The following CCDC127 variants were observed in gnomAD, a reference collection of about 807,000 sequenced individuals.
CCDC127 encodes the protein coiled-coil domain containing 127.
Under a neutral mutation model 4.1 loss-of-function variants are expected in CCDC127, and 2 were observed. The ratio of observed to expected loss-of-function variants is 0.49; its 90% CI spans 0.20 to 1.53. CCDC127 has a LOEUF of 1.53. Ranked by LOEUF, CCDC127 falls within the 40% of genes most tolerant of loss-of-function variation. The pLI is 0.23. For synonymous variants in CCDC127, 98 were observed against 120.4 expected (o/e 0.81, Z 1.22); for missense variants, 271 against 322.9 (o/e 0.84, Z 1.23).
At position 202,831 on chromosome 5, in the gene CCDC127, CG is replaced by C. The variant is rs1734097423; in HGVS notation, c.*2465del. On this transcript the variant is annotated 3_prime_UTR_variant, in exon 3 of 3. Transcript: ENST00000296824. Reference sequence around the variant, plus strand: ...GTTCACACAGGGACACCCAGCAGACCGGATTGCCGCAGGAATGGAGCCTGCA... The same window carrying C: ...GTTCACACAGGGACACCCAGCAGACCGATTGCCGCAGGAATGGAGCCTGCA... 6.6e-6 allele frequency: 1 copy of C among 152,214 alleles called. No homozygotes were observed. Among genetic ancestry groups the C allele is most frequent in the South Asian group, 2.1e-4 (1 of 4,830 alleles). 9.4% of individuals were successfully genotyped at this position (152,214 alleles called of 1,614,324 possible).
Position 205,146 on chromosome 5 carries a change from G to A in CCDC127, c.*151C>T. The A allele has an allele frequency of 1.5e-6, 1 of 672,608 alleles. No homozygotes were observed. The highest frequency in any genetic ancestry group is 2.7e-5 in the East Asian group (1 of 37,560). The allele number at this position is 672,608 out of a possible 1,614,324, so 41.7% of individuals were successfully genotyped here. On this transcript the variant is annotated 3_prime_UTR_variant, in exon 3 of 3. Transcript: ENST00000296824. ...GTCTCTGAGGCTTCGGTGCACTTCT[G>A]CTCAGACGGTGGCGGGAGTGGAGGT...
At chr5:208,284 G>A (rs1253029237) in intron 2 of CCDC127, among the ~76,000 whole-genome samples, 1 of 152,108 alleles carries the variant, frequency 6.6e-6, no homozygotes, top group East Asian at 1.9e-4. Context: ...AACAACACGG[G>A]GGCAAGTCCT....
In CCDC127 at chr5:204,039, G is replaced by C. The variant is rs29672; in HGVS notation, c.*1258C>G. ...AAACCCACCCTCCTTCTGGACAAGT[G>C]GGGAATTCCCACACAGGCCAGGCAG... On this transcript the variant is annotated 3_prime_UTR_variant, in exon 3 of 3. Transcript: ENST00000296824. The C allele has an allele frequency of 1, 152,388 of 152,406 alleles. 76,185 individuals are homozygous for C. The highest frequency in any genetic ancestry group is 1 in the Non-Finnish European group (68,092 of 68,092). The allele number at this position is 152,406 out of a possible 1,614,324, so 9.4% of individuals were successfully genotyped here.
rs192206351 is a variant in CCDC127, at chr5:205,728, T to C, written c.352A>G (p.Lys118Glu). 1.4e-5 allele frequency: 22 copies of C among 1,614,178 alleles called. No individual in the cohort carries two copies. Among genetic ancestry groups the C allele is most frequent in the African/African-American group, 1.1e-4 (8 of 75,050 alleles). Residue 118 changes from lysine to glutamate, a missense_variant, in exon 3 of 3, where the codon AAG (lysine) becomes GAG (glutamate). By Grantham distance (56) the Lys-to-Glu change is moderately conservative. Around this residue, in one of 2 missense-constraint regions of CCDC127, gnomAD observed 265 missense variants for 270.9 expected, o/e 0.98. Coordinates refer to ENST00000296824, the MANE Select transcript of CCDC127 (RefSeq NM_145265.3). ...SQGRKLVEEK[K>E]LLEQERAQVM... The stretch of plus-strand genomic sequence containing the variant: ...TGGGCCCGTTCCTGTTCCAGAAGCT[T>C]CTTTTCTTCTACCAACTTGCGTCCC...
intron 2 of CCDC127, among the ~76,000 whole-genome samples, chr5:209,829 C>T (rs1036528392): frequency 6.6e-6 from 1 of 152,152 alleles, no homozygotes; most frequent in Non-Finnish European, 1.5e-5. Flanking sequence ...AAAATCAATG[C>T]AATCTAACAC....
Position 205,214 on chromosome 5 carries a change from G to A in CCDC127, c.*83C>T, listed in dbSNP as rs1734145087. 1.2e-5 allele frequency: 16 copies of A among 1,293,276 alleles called. No homozygotes were observed. Among genetic ancestry groups the A allele is most frequent in the South Asian group, 5.6e-5 (4 of 71,184 alleles). The allele number at this position is 1,293,276 out of a possible 1,614,324, so 80.1% of individuals were successfully genotyped here. A position where few individuals can be genotyped will look rare whatever the true frequency, so the allele number is the denominator to read the frequency against. ...GGTGTGGCCATGACACGGGCAGCAC[G>A]GGAACGGAAGACGCCGGAGACCCAG... On this transcript the variant is annotated 3_prime_UTR_variant, in exon 3 of 3. Transcript: ENST00000296824.
At chr5:215,021 C>T (rs113917799) in intron 2 of CCDC127, 4 of 150,898 alleles carry the variant, frequency 2.7e-5, no homozygotes, top group African/African-American at 7.3e-5. Context: ...GGCAAGACTC[C>T]GTCTCGAAAA....
chr5:204,648 G>A lies in CCDC127; in HGVS notation c.*649C>T, dbSNP rs1468570740. 3.3e-5 allele frequency: 5 copies of A among 152,094 alleles called. No homozygotes were observed. Among genetic ancestry groups the A allele is most frequent in the Admixed American group, 3.3e-4 (5 of 15,264 alleles). The allele number at this position is 152,094 out of a possible 1,614,324, so 9.4% of individuals were successfully genotyped here. A position where few individuals can be genotyped will look rare whatever the true frequency, so the allele number is the denominator to read the frequency against. ...ACTGGATACAACACACACACATTAG[G>A]TAACAACTGCATACAACACACACAC... On this transcript the variant is annotated 3_prime_UTR_variant, in exon 3 of 3. Transcript: ENST00000296824.
In CCDC127 at chr5:197,298, C is replaced by T. The variant is rs1197878753; in HGVS notation, c.*7999G>A. 1.3e-5 allele frequency: 2 copies of T among 152,220 alleles called. No homozygotes were observed. The highest frequency in any genetic ancestry group is 4.8e-5 in the African/African-American group (2 of 41,446). 9.4% of individuals were successfully genotyped at this position (152,220 alleles called of 1,614,324 possible). A position where few individuals can be genotyped will look rare whatever the true frequency, so the allele number is the denominator to read the frequency against. On this transcript the variant is annotated 3_prime_UTR_variant, in exon 3 of 3. Transcript: ENST00000296824. ...AGCAGGAGACAGTGGACTTCTCTCT[C>T]TCAACTGCAAGAGGCTTTCGTCTTT...
In CCDC127 at chr5:197,153, A is replaced by C. The variant is rs908856722; in HGVS notation, c.*8144T>G. ...AAACATCTCAGCAGAGTAAAGAATA[A>C]CAAGGCAGCATTGCCGCAAACATGT... On this transcript the variant is annotated 3_prime_UTR_variant, in exon 3 of 3. Transcript: ENST00000296824. 6.6e-6 allele frequency: 1 copy of C among 152,046 alleles called. No individual in the cohort carries two copies. The highest frequency in any genetic ancestry group is 1.5e-5 in the Non-Finnish European group (1 of 67,994). 9.4% of individuals were successfully genotyped at this position (152,046 alleles called of 1,614,324 possible). A position where few individuals can be genotyped will look rare whatever the true frequency, so the allele number is the denominator to read the frequency against.
Position 197,681 on chromosome 5 carries a change from G to C in CCDC127, c.*7616C>G, listed in dbSNP as rs1733992240. ...AAAGCTACACATTAACATCATCTCA[G>C]CAAAGCAATTATTTAAAGTACAGGT... On this transcript the variant is annotated 3_prime_UTR_variant, in exon 3 of 3. Coordinates refer to ENST00000296824, the MANE Select transcript of CCDC127 (RefSeq NM_145265.3). The C allele has an allele frequency of 6.5e-6, 1 of 154,718 alleles. No homozygotes were observed. The highest frequency in any genetic ancestry group is 6.5e-5 in the Admixed American group (1 of 15,352). 9.6% of individuals were successfully genotyped at this position (154,718 alleles called of 1,614,324 possible). A position where few individuals can be genotyped will look rare whatever the true frequency, so the allele number is the denominator to read the frequency against.
chr5:199,980 T>C lies in CCDC127; in HGVS notation c.*5317A>G, dbSNP rs1248622260. On this transcript the variant is annotated 3_prime_UTR_variant, in exon 3 of 3. Coordinates refer to ENST00000296824, the MANE Select transcript of CCDC127 (RefSeq NM_145265.3). Reference sequence around the variant, plus strand: ...AAGATGGGGCACTGCCTGAGGTCTCTGCCAGATTCCCAGGTGAGGGAGATC... The same window carrying C: ...AAGATGGGGCACTGCCTGAGGTCTCCGCCAGATTCCCAGGTGAGGGAGATC... 2 of 152,248 alleles carry C rather than the reference T, an allele frequency of 1.3e-5. No individual in the cohort carries two copies. Among genetic ancestry groups the C allele is most frequent in the Non-Finnish European group, 2.9e-5 (2 of 68,068 alleles). The allele number at this position is 152,248 out of a possible 1,614,324, so 9.4% of individuals were successfully genotyped here.
chr5:209,183 G>A (rs111857342), intron 2 of CCDC127, among the ~76,000 whole-genome samples: 11 of 29,152 alleles, frequency 3.8e-4, no homozygotes, highest in South Asian at 1.6e-3. Context: ...ACAACCCTTC[G>A]CAGCCTGGCC....
At chr5:210,782 C>T (rs1446933298) in intron 2 of CCDC127, among the ~76,000 whole-genome samples, 3 of 133,892 alleles carry the variant, frequency 2.2e-5, no homozygotes, top group South Asian at 5.3e-4. Context: ...ACTGCAGCCA[C>T]GACGAGACAG....
Position 205,008 on chromosome 5 carries a change from C to A in CCDC127, c.*289G>T, listed in dbSNP as rs189237288. On this transcript the variant is annotated 3_prime_UTR_variant, in exon 3 of 3. Coordinates refer to ENST00000296824, the MANE Select transcript of CCDC127 (RefSeq NM_145265.3). ...GACTTTTTAAAAAACCATTTTTACC[C>A]TGGAGCTAAAATACGAGGTTATACT... The A allele has an allele frequency of 3.5e-6, 1 of 285,026 alleles. No homozygotes were observed. The allele number at this position is 285,026 out of a possible 1,614,324, so 17.7% of individuals were successfully genotyped here. A position where few individuals can be genotyped will look rare whatever the true frequency, so the allele number is the denominator to read the frequency against.
At chr5:215,330 A>G (rs1430388743) in intron 2 of CCDC127, 6 of 152,218 alleles carry the variant, frequency 3.9e-5, no homozygotes, top group East Asian at 3.8e-4. Flanking sequence ...TCATTTCAAA[A>G]GTCCAAGAAG....
At chr5:206,020 C>G in intron 2 of CCDC127, 62 bp from the exon 3 acceptor site, 1 of 1,423,044 alleles carries the variant, frequency 7.0e-7, no homozygotes, top group South Asian at 1.3e-5. Context: ...CTATAATCCT[C>G]ACTTAAATCA....
In CCDC127 at chr5:198,804, A is replaced by C. The variant is rs10054259; in HGVS notation, c.*6493T>G. On this transcript the variant is annotated 3_prime_UTR_variant, in exon 3 of 3. Transcript: ENST00000296824. Reference sequence around the variant, plus strand: ...CTGTGGCCACACATCCGGCGTCTGCAGGGCCCAGGAGCACGCCTGCTGGGT... The same window carrying C: ...CTGTGGCCACACATCCGGCGTCTGCCGGGCCCAGGAGCACGCCTGCTGGGT... 112,241 of 152,268 alleles carry C rather than the reference A, an allele frequency of 0.74. 41,908 individuals carry two copies. The highest frequency in any genetic ancestry group is 0.78 in the African/African-American group (32,434 of 41,542). The allele number at this position is 152,268 out of a possible 1,614,324, so 9.4% of individuals were successfully genotyped here. A position where few individuals can be genotyped will look rare whatever the true frequency, so the allele number is the denominator to read the frequency against.
chr5:200,321 A>C lies in CCDC127; in HGVS notation c.*4976T>G, dbSNP rs1314302075. The C allele has an allele frequency of 6.6e-6, 1 of 152,294 alleles. No homozygotes were observed. Among genetic ancestry groups the C allele is most frequent in the Non-Finnish European group, 1.5e-5 (1 of 68,092 alleles). 9.4% of individuals were successfully genotyped at this position (152,294 alleles called of 1,614,324 possible). On this transcript the variant is annotated 3_prime_UTR_variant, in exon 3 of 3. Coordinates refer to ENST00000296824, the MANE Select transcript of CCDC127 (RefSeq NM_145265.3). ...TTTCAAGATTTCCCATGAAGCTAGC[A>C]AAGGCCACAGGCTCTGCAACCCTGA...
Sources: allele counts gnomAD v4.1 joint callset (sites outside exome capture counted in the v4.1 genomes callset), GRCh38; gene constraint gnomAD v4.1.1; regional missense constraint gnomAD v4.1.1; transcripts MANE v1.5; gene names NCBI Gene and HGNC (gene_info 2026-07-23, HGNC 2026-07-21).